Variants in MIPOL1 observed in about 807,000 individuals in gnomAD.
MIPOL1 encodes mirror-image polydactyly 1, also known as mirror-image polydactyly gene 1 protein.
In MIPOL1, 57 loss-of-function variants were observed where a neutral mutation model predicts 60.9. The observed-to-expected ratio is 0.94, with a 90% CI of 0.76 to 1.17. The LOEUF is 1.17. Among genes scored for constraint, MIPOL1 ranks in the 50% most tolerant of loss-of-function variants. The probability of loss-of-function intolerance (pLI) is 0.00; values close to 1 mark genes in which losing one functional copy is unlikely to be tolerated. For synonymous variants in MIPOL1, 179 were observed against 168.8 expected (o/e 1.06, Z -0.47); for missense variants, 551 against 511.6 (o/e 1.08, Z -0.74).
At chr14:37,358,952 T>C (rs1261709993) in intron 9 of MIPOL1, among the ~76,000 whole-genome samples, 3 of 152,126 alleles carry the variant, frequency 2.0e-5, no homozygotes, top group Non-Finnish European at 2.9e-5. Flanking sequence ...TCTTCTAGGG[T>C]TTTTATGGTT....
rs550663200 is a variant in MIPOL1 at position 37,335,448 on chromosome 14, T to G, written c.828+26929T>G. 3.9e-4 allele frequency among the ~76,000 whole-genome samples: 59 copies of G among 152,208 alleles called. No individual in the cohort carries two copies. In the South Asian group the frequency reaches 9.1e-3, roughly 24 times the overall value. ...CCCTGACAACTTCACCCCTGACATTTCACTTTCTTTGTCTATGAAGTTGAG... is the reference window on the plus strand; with the variant it reads ...CCCTGACAACTTCACCCCTGACATTGCACTTTCTTTGTCTATGAAGTTGAG... On this transcript the variant is annotated intron_variant, in intron 9 of 12. Transcript: ENST00000684589.
intron 9 of MIPOL1, among the ~76,000 whole-genome samples, chr14:37,319,048 C>T (rs1567447087): frequency 6.6e-6 from 1 of 151,944 alleles, no homozygotes; most frequent in Non-Finnish European, 1.5e-5. Flanking sequence ...ACCATGTTGC[C>T]CAGGCTGGTC....
chr14:37,487,884 T>A (rs2094976279), intron 11 of MIPOL1, among the ~76,000 whole-genome samples: 1 of 152,160 alleles, frequency 6.6e-6, no homozygotes, highest in Non-Finnish European at 1.5e-5. Context: ...TCTTTTGAAT[T>A]TGTTTGCTCT....
intron 12 of MIPOL1, among the ~76,000 whole-genome samples, chr14:37,513,814 C>CTAA (rs1250488595): frequency 6.6e-6 from 1 of 152,022 alleles, no homozygotes; most frequent in Middle Eastern, 3.2e-3. Context: ...TAGAGTTGAG[C>CTAA]TACTATATGT....
In MIPOL1 at chr14:37,270,596, G is replaced by A. The variant is rs528439822; in HGVS notation, c.493+71G>A. On this transcript the variant is annotated intron_variant, in intron 6 of 12. Transcript: ENST00000684589. ...AGGTTATTATATGATGTATCTTGGT[G>A]AATACTAGCATACTGGCTTATTTGC... 1.1e-4 allele frequency: 69 copies of A among 624,800 alleles called. No homozygotes were observed. In the South Asian group the frequency reaches 2.2e-3, roughly 20 times the overall value. 38.7% of individuals were successfully genotyped at this position (624,800 alleles called of 1,614,324 possible). A position where few individuals can be genotyped will look rare whatever the true frequency, so the allele number is the denominator to read the frequency against.
chr14:37,216,062 C>CAA (rs71449980), intron 1 of MIPOL1, among the ~76,000 whole-genome samples: 5,226 of 85,706 alleles, frequency 0.061, 232 homozygotes, highest in Admixed American at 0.13. Context: ...ACCTCCATCT[C>CAA]AAAAAAAAAA....
intron 3 of MIPOL1, among the ~76,000 whole-genome samples, chr14:37,264,790 A>G (rs75655886): frequency 6.6e-6 from 1 of 152,110 alleles, no homozygotes; most frequent in African/African-American, 2.4e-5. Context: ...CAAATGAAGG[A>G]TTATCTAATG....
chr14:37,395,386 G>A (rs2093351935), intron 10 of MIPOL1, among the ~76,000 whole-genome samples: 1 of 152,060 alleles, frequency 6.6e-6, no homozygotes, highest in Non-Finnish European at 1.5e-5. Context: ...CATGAGTGTG[G>A]GATGTGTTTT....
At chr14:37,267,254 G>A (rs376824290) in intron 4 of MIPOL1, 85 bp downstream of exon 4, 15 of 953,070 alleles carry the variant, frequency 1.6e-5, no homozygotes, top group East Asian at 7.8e-5. Context: ...TTGGGAGGAC[G>A]AGGTGGGTGG....
chr14:37,416,781 G>A (rs1428305364), intron 10 of MIPOL1, among the ~76,000 whole-genome samples: 1 of 152,168 alleles, frequency 6.6e-6, no homozygotes, highest in Middle Eastern at 3.4e-3. Context: ...AGACCTCTCA[G>A]GGACTTGGAC....
chr14:37,514,707 C>A (rs561180650), intron 12 of MIPOL1, among the ~76,000 whole-genome samples: 2 of 151,898 alleles, frequency 1.3e-5, no homozygotes, highest in Admixed American at 1.3e-4. Flanking sequence ...CAGCAACCTC[C>A]GCCTCCCGAG....
At chr14:37,257,329 A>G (rs1042724429) in intron 3 of MIPOL1, among the ~76,000 whole-genome samples, 1 of 151,960 alleles carries the variant, frequency 6.6e-6, no homozygotes, top group East Asian at 1.9e-4. Context: ...ACTTTGCACA[A>G]ATATACTTTT....
At chr14:37,353,548 A>G (rs910623298) in intron 9 of MIPOL1, among the ~76,000 whole-genome samples, 6 of 151,438 alleles carry the variant, frequency 4.0e-5, no homozygotes, top group Admixed American at 6.6e-5. Context: ...GACTCTTTTT[A>G]GTTGGTAAGC....
At chr14:37,552,289 T>G (rs1343189455), downstream of MIPOL1, 1 of 152,238 alleles carries the variant, frequency 6.6e-6, no homozygotes, top group Non-Finnish European at 1.5e-5. Flanking sequence ...TGTAATTTTT[T>G]TAACTTTAAA....
At chr14:37,427,937 G>T (rs2093993604) in intron 11 of MIPOL1, among the ~76,000 whole-genome samples, 1 of 152,134 alleles carries the variant, frequency 6.6e-6, no homozygotes, top group Non-Finnish European at 1.5e-5. Flanking sequence ...TTTTCAGATA[G>T]ATTAAATGGA....
At chr14:37,271,306 T>C (rs149658236) in intron 6 of MIPOL1, among the ~76,000 whole-genome samples, 2 of 152,174 alleles carry the variant, frequency 1.3e-5, no homozygotes, top group East Asian at 1.9e-4. Flanking sequence ...ATTTTAGATA[T>C]CACTGATTTT....
intron 1 of MIPOL1, among the ~76,000 whole-genome samples, chr14:37,246,441 T>C (rs1973218287): frequency 6.6e-6 from 1 of 152,120 alleles, no homozygotes; most frequent in African/African-American, 2.4e-5. Flanking sequence ...ATCAAATTGG[T>C]ATATTGGTTA....
chr14:37,382,796 A>G (rs778956697), intron 10 of MIPOL1, among the ~76,000 whole-genome samples: 20 of 151,904 alleles, frequency 1.3e-4, no homozygotes, highest in Admixed American at 5.3e-4. Context: ...ATTGACTCCA[A>G]GGATTAGATA....
chr14:37,496,155 A>G (rs1003685619), intron 11 of MIPOL1, among the ~76,000 whole-genome samples: 1 of 151,710 alleles, frequency 6.6e-6, no homozygotes, highest in African/African-American at 2.4e-5. Flanking sequence ...GTATTTCAAA[A>G]TAATAAGAGC....
Sources: gnomAD v4.1 joint callset for allele counts (sites outside exome capture counted in the v4.1 genomes callset) on GRCh38, gnomAD v4.1.1 for gene constraint, MANE v1.5 for transcripts, NCBI Gene and HGNC (gene_info 2026-07-23, HGNC 2026-07-21) for gene names.